Variants in CCDC93 observed in about 807,000 individuals in gnomAD.
CCDC93 encodes the protein coiled-coil domain-containing protein 93.
In CCDC93, 61 loss-of-function variants were observed where a neutral mutation model predicts 108.2. The observed-to-expected ratio is 0.56, with a 90% CI of 0.46 to 0.70. The LOEUF is 0.70. Among genes scored for constraint, CCDC93 ranks in the 30% least tolerant of loss-of-function variants. The pLI, the probability that CCDC93 is intolerant of heterozygous loss-of-function variation, is 0.00. For synonymous variants in CCDC93, 276 were observed against 260.4 expected (o/e 1.06, Z -0.58); for missense variants, 685 against 764.2 (o/e 0.90, Z 1.22).
At chr2:117,931,578 A>C (rs1467402290) in intron 22 of CCDC93, 1 of 156,164 alleles carries the variant, frequency 6.4e-6, no homozygotes, top group East Asian at 1.9e-4. Context: ...CACAGCAAAG[A>C]ATTATCTAGC....
intron 13 of CCDC93, chr2:117,949,910 G>A (rs995031907): frequency 1.4e-5 from 14 of 985,404 alleles, no homozygotes; most frequent in Admixed American, 1.2e-4. Context: ...GTTAGCAGAC[G>A]TAGGAAGGAC....
At chr2:118,013,618 G>A (rs1159380160) in intron 1 of CCDC93, among the ~76,000 whole-genome samples, 1 of 152,148 alleles carries the variant, frequency 6.6e-6, no homozygotes, top group Non-Finnish European at 1.5e-5. Flanking sequence ...CGCGGGGTGG[G>A]GGAGCCCGTC....
chr2:118,013,480 C>G (rs1321192151), intron 1 of CCDC93, among the ~76,000 whole-genome samples: 1 of 152,064 alleles, frequency 6.6e-6, no homozygotes, highest in African/African-American at 2.4e-5. Context: ...GCGGGTGGGG[C>G]GGGCCGCCGG....
intron 23 of CCDC93, among the ~76,000 whole-genome samples, chr2:117,927,965 A>C (rs574953695): frequency 6.6e-6 from 1 of 152,328 alleles, no homozygotes; most frequent in East Asian, 1.9e-4. Context: ...GCACATCTAC[A>C]ACCATCTGAT....
chr2:117,968,505 T>G (rs1281724884), intron 11 of CCDC93, among the ~76,000 whole-genome samples: 4 of 152,202 alleles, frequency 2.6e-5, no homozygotes, highest in Non-Finnish European at 5.9e-5. Flanking sequence ...TCATGAATTA[T>G]GTATCTGGAA....
intron 6 of CCDC93, among the ~76,000 whole-genome samples, chr2:117,993,419 T>C (rs1396237652): frequency 7.0e-6 from 1 of 143,592 alleles, no homozygotes; most frequent in Non-Finnish European, 1.5e-5. Context: ...AATTAATGTT[T>C]GAATGTGGCT....
chr2:118,007,849 GCA>G (rs1309514747), intron 2 of CCDC93, among the ~76,000 whole-genome samples: 5 of 152,156 alleles, frequency 3.3e-5, no homozygotes, highest in African/African-American at 1.2e-4. Context: ...ATTCTGTTAG[GCA>G]CAGCCAGGAC....
intron 1 of CCDC93, 22 bp downstream of exon 1, chr2:118,013,932 G>A (rs377554922): frequency 6.4e-7 from 1 of 1,564,884 alleles, no homozygotes; most frequent in Non-Finnish European, 8.6e-7. Context: ...CGACGTGTCA[G>A]GGAAGGAGGA....
intron 23 of CCDC93, among the ~76,000 whole-genome samples, chr2:117,921,376 C>T (rs1677865067): frequency 6.6e-6 from 1 of 152,112 alleles, no homozygotes; most frequent in South Asian, 2.1e-4. Context: ...CTAACTGCGC[C>T]TCCTGCCCTT....
Position 118,014,046 on chromosome 2 carries a change from A to T in CCDC93, c.-51T>A. 2 of 1,574,860 alleles carry T rather than the reference A, an allele frequency of 1.3e-6. No individual in the cohort carries two copies. Among genetic ancestry groups the T allele is most frequent in the South Asian group, 1.2e-5 (1 of 85,656 alleles). ...AGAGCGAAGCCCGCCAAGCGTCCGG[A>T]GGAAGCTGTCCCTGCCGCGGAGCTG... On this transcript the variant is annotated 5_prime_UTR_variant, in exon 1 of 24. Coordinates refer to ENST00000376300, the MANE Select transcript of CCDC93 (RefSeq NM_019044.5).
At chr2:117,951,597 T>C in intron 13 of CCDC93, 1 of 1,000,160 alleles carries the variant, frequency 1.0e-6, no homozygotes, top group Non-Finnish European at 1.2e-6. Context: ...GTCCAGGAAG[T>C]ACGAGGTAGG....
chr2:117,957,093 T>G (rs928116448), intron 12 of CCDC93, among the ~76,000 whole-genome samples: 29 of 152,088 alleles, frequency 1.9e-4, no homozygotes, highest in African/African-American at 7.0e-4. Flanking sequence ...AGTCTCCAAG[T>G]TGGTTAGGCT....
chr2:117,964,779 T>G (rs1381840348), intron 11 of CCDC93, among the ~76,000 whole-genome samples: 3 of 152,104 alleles, frequency 2.0e-5, no homozygotes, highest in South Asian at 4.2e-4. Flanking sequence ...TAAAAAAATA[T>G]TTTGTAGAGA....
chr2:117,944,216 G>T, intron 17 of CCDC93, 130 bp from the exon 18 acceptor site: 1 of 599,040 alleles, frequency 1.7e-6, no homozygotes, highest in Non-Finnish European at 2.8e-6. Context: ...CTTCTTAAAT[G>T]CCCAAGTTTA....
intron 3 of CCDC93, among the ~76,000 whole-genome samples, chr2:118,002,880 A>T (rs1167563162): frequency 6.6e-6 from 1 of 152,184 alleles, no homozygotes; most frequent in Admixed American, 6.5e-5. Flanking sequence ...GCATAAAAAA[A>T]TTTAAAAATT....
chr2:117,983,598 A>AAAT lies in CCDC93; in HGVS notation c.620+2370_620+2371insATT, dbSNP rs1325621374. 2.9e-3 allele frequency among the ~76,000 whole-genome samples: 442 copies of AAAT among 151,192 alleles called. 4 individuals are homozygous for AAAT. Among genetic ancestry groups the AAAT allele is most frequent in the African/African-American group, 0.01 (423 of 41,068 alleles). On this transcript the variant is annotated intron_variant, in intron 7 of 23. Transcript: ENST00000376300. ...TGACAGCAGCCAATGGTTAACATTT[A>AAAT]CTGTTTTCTACATTGAACAAACTGC... is the stretch of plus-strand genomic sequence containing the variant.
chr2:117,985,910 A>G, intron 7 of CCDC93, 59 bp downstream of exon 7: 1 of 1,024,740 alleles, frequency 9.8e-7, no homozygotes. Flanking sequence ...ATCCAAATGA[A>G]GCAACTTAAA....
chr2:117,983,278 T>C (rs1680205373), intron 7 of CCDC93, among the ~76,000 whole-genome samples: 2 of 152,212 alleles, frequency 1.3e-5, no homozygotes, highest in South Asian at 4.1e-4. Flanking sequence ...CCTATCTGCC[T>C]TCCCCTGTGA....
At chr2:117,984,642 T>C (rs1214663281) in intron 7 of CCDC93, among the ~76,000 whole-genome samples, 2 of 152,192 alleles carry the variant, frequency 1.3e-5, no homozygotes, top group Non-Finnish European at 2.9e-5. Flanking sequence ...CTATTTTCCA[T>C]GATGATGGAA....
Sources: gnomAD v4.1 joint callset for allele counts (sites outside exome capture counted in the v4.1 genomes callset) on GRCh38, gnomAD v4.1.1 for gene constraint, MANE v1.5 for transcripts, NCBI Gene and HGNC (gene_info 2026-07-23, HGNC 2026-07-21) for gene names.